BLVRB: variants seen among roughly 807,000 people sequenced by gnomAD.
BLVRB encodes the protein flavin reductase (NADPH).
Under a neutral mutation model 21.1 loss-of-function variants are expected in BLVRB, and 25 were observed. The ratio of observed to expected loss-of-function variants is 1.19; its 90% CI spans 0.86 to 1.66. BLVRB has a LOEUF of 1.66. Ranked by LOEUF, BLVRB falls within the 40% of genes most tolerant of loss-of-function variation. The probability of loss-of-function intolerance (pLI) is 0.00; values close to 1 mark genes in which losing one functional copy is unlikely to be tolerated. For synonymous variants in BLVRB, 128 were observed against 122.2 expected, an observed-to-expected ratio of 1.05 and a Z score of -0.31; for missense variants, 274 against 282.7, an observed-to-expected ratio of 0.97 and a Z score of 0.22.
In BLVRB at chr19:40,451,375, G is replaced by T; in HGVS notation, c.452C>A (p.Pro151Gln). The change falls in exon 4 of 5, where the codon CCG becomes CAG. Residue 151 changes from proline (P) to glutamine (Q), a missense_variant. Physicochemically the swap from Pro to Gln is moderately conservative, Grantham distance 76 (BLOSUM62 -1). Coordinates refer to ENST00000263368, the MANE Select transcript of BLVRB (RefSeq NM_000713.3). ...CCTGCCCTGCTTACCTATGTGTGGC[G>T]GCATCACAGCCACGTACTTCAGGCC... ...ESGLKYVAVM[P>Q]PHIGDQPLTG... The T allele has an allele frequency of 6.2e-7, 1 of 1,604,572 alleles. No homozygotes were observed. The highest frequency in any genetic ancestry group is 1.1e-5 in the South Asian group (1 of 88,990).
intron 1 of BLVRB, among the ~76,000 whole-genome samples, chr19:40,461,249 G>C (rs2079786319): frequency 6.6e-6 from 1 of 152,066 alleles, no homozygotes; most frequent in Admixed American, 6.6e-5. Context: ...TCTCCTTCCT[G>C]GTCCCTTTCC....
At chr19:40,458,045 AGTAAATGCACAG>A (rs1568739212) in intron 3 of BLVRB, 98 bp downstream of exon 3, 2 of 1,070,002 alleles carry the variant, frequency 1.9e-6, no homozygotes, top group African/African-American at 3.1e-5. Flanking sequence ...GCTGGTGTTC[AGTAAATGCACAG>A]TAACATGGAA....
chr19:40,450,838 C>G (rs1289897148), intron 4 of BLVRB, among the ~76,000 whole-genome samples: 2 of 144,476 alleles, frequency 1.4e-5, no homozygotes, highest in Non-Finnish European at 3.0e-5. Context: ...CATGCCTGGC[C>G]TATGTATCTA....
Position 40,465,665 on chromosome 19 carries a change from G to A in BLVRB, c.24C>T (p.Ile8=), listed in dbSNP as rs1292095520. 4 of 1,612,850 alleles carry A rather than the reference G, an allele frequency of 2.5e-6. No individual in the cohort carries two copies. The highest frequency in any genetic ancestry group is 1.1e-5 in the South Asian group (1 of 91,044). MAVKKIA[I]FGATGQTGLT... is the part of the protein sequence containing the mutation. ...GCCCGGTCTGGCCAGTGGCGCCGAA[G>A]ATCGCGATCTTCTTGACGGCCATCG... Residue 8 remains isoleucine (I), a synonymous_variant, in exon 1 of 5, where the codon ATC becomes ATT. Transcript: ENST00000263368.
chr19:40,447,845 T>C lies in BLVRB; in HGVS notation c.*44A>G. On this transcript the variant is annotated 3_prime_UTR_variant, in exon 5 of 5. Coordinates refer to ENST00000263368, the MANE Select transcript of BLVRB (RefSeq NM_000713.3). The stretch of plus-strand genomic sequence containing the variant: ...AACATTTATTGCCCCCTTCCTTTGC[T>C]CCTCATGTCCCAGAATGCCACCCTC... 1.3e-6 allele frequency: 2 copies of C among 1,589,254 alleles called. No individual in the cohort carries two copies. Among genetic ancestry groups the C allele is most frequent in the Non-Finnish European group, 1.7e-6 (2 of 1,160,564 alleles).
intron 3 of BLVRB, 42 bp from the exon 4 acceptor site, chr19:40,451,534 C>CTTT (rs66462314): frequency 3.0e-5 from 40 of 1,335,720 alleles, no homozygotes; most frequent in Admixed American, 6.4e-5. Context: ...GCTCTCTTGT[C>CTTT]TTTTTTTTTT....
intron 1 of BLVRB, among the ~76,000 whole-genome samples, chr19:40,461,339 C>T (rs928612161): frequency 1.3e-5 from 2 of 152,144 alleles, no homozygotes; most frequent in Non-Finnish European, 2.9e-5. Context: ...GAGTTCTCCA[C>T]AGTAATATTT....
At chr19:40,457,830 T>A in intron 3 of BLVRB, 1 of 353,660 alleles carries the variant, frequency 2.8e-6, no homozygotes, top group Non-Finnish European at 5.2e-6. Flanking sequence ...GGACGCCTCC[T>A]CTGGGCTCCC....
At chr19:40,448,282 A>C (rs1310906401) in intron 4 of BLVRB, among the ~76,000 whole-genome samples, 2 of 152,046 alleles carry the variant, frequency 1.3e-5, no homozygotes, top group Admixed American at 1.3e-4. Context: ...CAAGCAAGGG[A>C]CAAAGCAGAC....
chr19:40,448,608 AATATATATATATATAT>A (rs55783717), intron 4 of BLVRB, among the ~76,000 whole-genome samples: 1,531 of 126,306 alleles, frequency 0.012, 42 homozygotes, highest in African/African-American at 0.041. Context: ...AACAACAACA[AATATATATATATATAT>A]ATATATATAT....
chr19:40,462,743 A>T (rs968992584), intron 1 of BLVRB, among the ~76,000 whole-genome samples: 1 of 150,824 alleles, frequency 6.6e-6, no homozygotes, highest in African/African-American at 2.4e-5. Flanking sequence ...TACAAAAAAA[A>T]TTAGCTGGGC....
chr19:40,456,129 A>G (rs1442893626), intron 3 of BLVRB, among the ~76,000 whole-genome samples: 3 of 152,192 alleles, frequency 2.0e-5, no homozygotes, highest in African/African-American at 7.2e-5. Context: ...GGACCTACAC[A>G]TTGAAGTAAG....
chr19:40,465,524 A>G (rs561999509), intron 1 of BLVRB, 86 bp downstream of exon 1: 196 of 1,512,130 alleles, frequency 1.3e-4, no homozygotes, highest in South Asian at 1.1e-3. Flanking sequence ...CATGGCCCCA[A>G]TCAGCCTCGG....
intron 1 of BLVRB, among the ~76,000 whole-genome samples, chr19:40,459,309 C>A (rs1266400898): frequency 2.2e-5 from 2 of 88,972 alleles, no homozygotes; most frequent in Non-Finnish European, 4.1e-5. Context: ...GCCTGGATGA[C>A]AAAGCGAGAC....
intron 3 of BLVRB, among the ~76,000 whole-genome samples, chr19:40,457,091 A>G (rs1303110319): frequency 6.7e-6 from 1 of 149,746 alleles, no homozygotes; most frequent in Non-Finnish European, 1.5e-5. Context: ...GGGGAGGATC[A>G]CTTGAACCCA....
chr19:40,464,051 G>A (rs1460451398), intron 1 of BLVRB, among the ~76,000 whole-genome samples: 1 of 151,594 alleles, frequency 6.6e-6, no homozygotes, highest in Non-Finnish European at 1.5e-5. Context: ...ACAGGCGTGA[G>A]CCACCGCACC....
chr19:40,450,706 C>A (rs2079735616), intron 4 of BLVRB, among the ~76,000 whole-genome samples: 1 of 148,142 alleles, frequency 6.8e-6, no homozygotes, highest in Non-Finnish European at 1.5e-5. Flanking sequence ...CGACGCCCAG[C>A]TAATTTTTTT....
chr19:40,447,833 C>T lies in BLVRB; in HGVS notation c.*56G>A, dbSNP rs191818368. The stretch of plus-strand genomic sequence containing the variant: ...AGCTCTTGGCTCAACATTTATTGCC[C>T]CCTTCCTTTGCTCCTCATGTCCCAG... On this transcript the variant is annotated 3_prime_UTR_variant, in exon 5 of 5. Coordinates refer to ENST00000263368, the MANE Select transcript of BLVRB (RefSeq NM_000713.3). 26 of 1,576,426 alleles carry T rather than the reference C, an allele frequency of 1.6e-5. No individual in the cohort carries two copies. The African/African-American group carries it at 3.1e-4, about 19-fold the overall frequency.
At chr19:40,448,607 A>AACAAC (rs1396079269) in intron 4 of BLVRB, among the ~76,000 whole-genome samples, 1 of 41,314 alleles carries the variant, frequency 2.4e-5, no homozygotes, top group African/African-American at 1.2e-4. Flanking sequence ...CAACAACAAC[A>AACAAC]AATATATATA....
Sources: gnomAD v4.1 joint callset for allele counts (sites outside exome capture counted in the v4.1 genomes callset) on GRCh38, gnomAD v4.1.1 for gene constraint, MANE v1.5 for transcripts, NCBI Gene and HGNC (gene_info 2026-07-23, HGNC 2026-07-21) for gene names.